GALNTL6: variants seen among roughly 807,000 people sequenced by gnomAD.
The protein encoded by GALNTL6 is polypeptide N-acetylgalactosaminyltransferase like 6.
In GALNTL6, 46 loss-of-function variants were observed where a neutral mutation model predicts 73.7. The observed-to-expected ratio is 0.62, with a 90% confidence interval of 0.49 to 0.80. The LOEUF is 0.80. Among genes scored for constraint, GALNTL6 ranks in the 30% least tolerant of loss-of-function variants. The pLI, the probability that GALNTL6 is intolerant of heterozygous loss-of-function variation, is 0.00. For synonymous variants in GALNTL6, 259 were observed against 263.7 expected (o/e 0.98, Z 0.17); for missense variants, 604 against 755.0 (o/e 0.80, Z 2.34).
chr4:172,897,465 A>G (rs1746389240), intron 8 of GALNTL6, among the ~76,000 whole-genome samples: 2 of 152,210 alleles, frequency 1.3e-5, no homozygotes, highest in Admixed American at 6.5e-5. Flanking sequence ...CACTGCCTAA[A>G]CTGATGTCAG....
chr4:172,750,112 A>G (rs1262008378), intron 5 of GALNTL6, among the ~76,000 whole-genome samples: 1 of 152,158 alleles, frequency 6.6e-6, no homozygotes, highest in East Asian at 1.9e-4. Context: ...TATATCTGCT[A>G]TAGGTCTTCA....
rs187002549 is a variant in GALNTL6, at chr4:172,202,458, A to G, written c.139-27198A>G. 2.9e-3 allele frequency among the ~76,000 whole-genome samples: 441 copies of G among 152,338 alleles called. 1 individual carries two copies. The highest frequency in any genetic ancestry group is 3.6e-3 in the Non-Finnish European group (246 of 68,024). On this transcript the variant is annotated intron_variant, in intron 2 of 12. Coordinates refer to ENST00000506823, the MANE Select transcript of GALNTL6 (RefSeq NM_001034845.3). ...GATAGTGTAATATTAGTGTTGAAAT[A>G]ATTATTTCATATACGATCAAATATG...
intron 3 of GALNTL6, among the ~76,000 whole-genome samples, chr4:172,262,980 A>G (rs1738309546): frequency 6.6e-6 from 1 of 151,560 alleles, no homozygotes; most frequent in Non-Finnish European, 1.5e-5. Flanking sequence ...ATTTCTGCTG[A>G]GAAATCTGCT....
Position 172,997,647 on chromosome 4 carries a change from G to C in GALNTL6, c.1372-11531G>C, listed in dbSNP as rs116502965. Among the ~76,000 whole-genome samples the C allele has an allele frequency of 6.7e-3, 1,025 of 152,252 alleles. 11 individuals are homozygous for C. Among genetic ancestry groups the C allele is most frequent in the African/African-American group, 0.023 (964 of 41,554 alleles). ...TAATAGACTGGGAAGGGTGAGTGGG[G>C]GCAGGGGGAAGGGTGAAGAGATGTG... On this transcript the variant is annotated intron_variant, in intron 10 of 12. Coordinates refer to ENST00000506823, the MANE Select transcript of GALNTL6 (RefSeq NM_001034845.3).
intron 5 of GALNTL6, among the ~76,000 whole-genome samples, chr4:172,570,514 A>G (rs1372051255): frequency 1.3e-5 from 2 of 152,114 alleles, no homozygotes; most frequent in East Asian, 3.9e-4. Context: ...CTAAGGAGAG[A>G]GTTCTTCAGA....
intron 4 of GALNTL6, among the ~76,000 whole-genome samples, chr4:172,336,816 A>G (rs946168153): frequency 1.3e-5 from 2 of 152,158 alleles, no homozygotes; most frequent in African/African-American, 2.4e-5. Flanking sequence ...TCTGCCTTAT[A>G]GATGTCTTTA....
chr4:172,212,306 C>T (rs1443015842), intron 2 of GALNTL6, among the ~76,000 whole-genome samples: 1 of 152,026 alleles, frequency 6.6e-6, no homozygotes, highest in Non-Finnish European at 1.5e-5. Context: ...GGATCACAGG[C>T]ACATGCCACC....
intron 5 of GALNTL6, among the ~76,000 whole-genome samples, chr4:172,650,183 G>A (rs982019821): frequency 2.0e-5 from 3 of 152,144 alleles, no homozygotes; most frequent in Non-Finnish European, 4.4e-5. Context: ...ATTGAGGATC[G>A]CAGTGTCAGG....
At chr4:172,724,861 C>T (rs1295431280) in intron 5 of GALNTL6, among the ~76,000 whole-genome samples, 1 of 152,014 alleles carries the variant, frequency 6.6e-6, no homozygotes, top group African/African-American at 2.4e-5. Flanking sequence ...AATGTGAAAT[C>T]CAGGAATCTG....
At chr4:172,859,664 A>C (rs1176041968) in intron 7 of GALNTL6, among the ~76,000 whole-genome samples, 1 of 152,178 alleles carries the variant, frequency 6.6e-6, no homozygotes, top group African/African-American at 2.4e-5. Flanking sequence ...AAAAGCAAAA[A>C]ATGAAGGGCT....
At chr4:172,084,253 G>T (rs1191873714) in intron 2 of GALNTL6, among the ~76,000 whole-genome samples, 2 of 152,138 alleles carry the variant, frequency 1.3e-5, no homozygotes, top group Non-Finnish European at 2.9e-5. Context: ...GTTTGCAGTA[G>T]GTTGTGATAA....
At chr4:172,907,671 G>T (rs1033598491) in intron 8 of GALNTL6, among the ~76,000 whole-genome samples, 2 of 152,186 alleles carry the variant, frequency 1.3e-5, no homozygotes, top group African/African-American at 4.8e-5. Context: ...ACATGTTTCT[G>T]TTCCGGTCCT....
chr4:172,542,320 A>G (rs10025132), intron 5 of GALNTL6, among the ~76,000 whole-genome samples: 7,835 of 152,056 alleles, frequency 0.052, 632 homozygotes, highest in African/African-American at 0.17. Context: ...GATCGCTGCC[A>G]TCTTCAAAAT....
At chr4:171,910,857 T>C (rs1242213666) in intron 2 of GALNTL6, among the ~76,000 whole-genome samples, 6 of 152,196 alleles carry the variant, frequency 3.9e-5, no homozygotes, top group Non-Finnish European at 8.8e-5. Flanking sequence ...GTTAATGGCA[T>C]ATAAACATGC....
intron 5 of GALNTL6, among the ~76,000 whole-genome samples, chr4:172,409,408 A>T (rs1027819551): frequency 7.2e-5 from 11 of 152,108 alleles, no homozygotes; most frequent in East Asian, 5.8e-4. Context: ...CAAATATCTA[A>T]TTTTTTGTAA....
intron 2 of GALNTL6, among the ~76,000 whole-genome samples, chr4:171,844,532 A>G (rs745361954): frequency 2.6e-5 from 4 of 151,984 alleles, no homozygotes; most frequent in Non-Finnish European, 4.4e-5. Context: ...TTTTATTTTC[A>G]GATGTGAGGT....
intron 5 of GALNTL6, among the ~76,000 whole-genome samples, chr4:172,553,001 T>C (rs367756107): frequency 6.6e-6 from 1 of 152,126 alleles, no homozygotes; most frequent in East Asian, 1.9e-4. Flanking sequence ...GTATTTTATA[T>C]ACCCAAGTGT....
chr4:172,577,656 C>T (rs1309690972), intron 5 of GALNTL6, among the ~76,000 whole-genome samples: 1 of 152,114 alleles, frequency 6.6e-6, no homozygotes, highest in Non-Finnish European at 1.5e-5. Flanking sequence ...AAGGATCCTG[C>T]ATTAGATGGC....
chr4:171,888,925 T>C (rs1044605604), intron 2 of GALNTL6, among the ~76,000 whole-genome samples: 2 of 152,116 alleles, frequency 1.3e-5, no homozygotes, highest in Non-Finnish European at 2.9e-5. Context: ...CTATGATTTG[T>C]TGTATAGTTC....
Sources: allele counts gnomAD v4.1 joint callset (sites outside exome capture counted in the v4.1 genomes callset), GRCh38; gene constraint gnomAD v4.1.1; transcripts MANE v1.5; gene names NCBI Gene and HGNC (gene_info 2026-07-23, HGNC 2026-07-21).